The following FAM47E variants were observed in gnomAD, a reference collection of about 807,000 sequenced individuals.
FAM47E encodes the protein family with sequence similarity 47 member E, also known as protein FAM47E.
A neutral mutation model predicts 41.6 loss-of-function variants in FAM47E; 32 were observed. That is an observed-to-expected ratio of 0.77 (90% CI 0.58 to 1.03). FAM47E has a LOEUF of 1.03. Ranked by LOEUF, FAM47E falls within the 50% of genes least tolerant of loss-of-function variation. FAM47E has a pLI of 0.00. For synonymous variants in FAM47E, 184 were observed against 188.7 expected (o/e 0.98, Z 0.20); for missense variants, 424 against 485.4 (o/e 0.87, Z 1.19).
chr4:76,268,128 T>G (rs1734721402), intron 3 of FAM47E: 1 of 152,888 alleles, frequency 6.5e-6, no homozygotes. Context: ...AGAGTTACAT[T>G]TTGAAATGAC....
chr4:76,249,150 C>T (rs1446126874), upstream of FAM47E, among the ~76,000 whole-genome samples: 2 of 151,970 alleles, frequency 1.3e-5, no homozygotes, highest in Non-Finnish European at 2.9e-5. Flanking sequence ...ATCGCTTGAA[C>T]CCAGGAGGTG....
intron 5 of FAM47E, among the ~76,000 whole-genome samples, chr4:76,277,451 C>G (rs1437329030): frequency 6.6e-6 from 1 of 151,480 alleles, no homozygotes; most frequent in African/African-American, 2.4e-5. Flanking sequence ...GTGCCACTCA[C>G]TGCACCCCAG....
chr4:76,278,110 A>G lies in FAM47E; in HGVS notation c.912A>G (p.Ala304=), dbSNP rs977399198. ...KPKWVKMRYG[A]WYLNPKLWKK... ...AGTGGGTGAAGATGAGGTATGGAGCATGGTATTTGAACCCCAAGTTGTGGA... is the reference window on the plus strand; with the variant it reads ...AGTGGGTGAAGATGAGGTATGGAGCGTGGTATTTGAACCCCAAGTTGTGGA... Residue 304 remains alanine (A), a synonymous_variant, in exon 6 of 8, where the codon GCA becomes GCG. Coordinates refer to ENST00000424749, the MANE Select transcript of FAM47E (RefSeq NM_001136570.3). 1 of 1,550,040 alleles carries G rather than the reference A, an allele frequency of 6.5e-7. No homozygotes were observed. The highest frequency in any genetic ancestry group is 8.7e-7 in the Non-Finnish European group (1 of 1,146,514).
chr4:76,258,720 A>T (rs1424461255), intron 2 of FAM47E, among the ~76,000 whole-genome samples: 1 of 152,230 alleles, frequency 6.6e-6, no homozygotes, highest in Non-Finnish European at 1.5e-5. Context: ...AAATCCCACA[A>T]ATCACAATCC....
chr4:76,239,916 A>C (rs1733671312), intron 2 of FAM47E, among the ~76,000 whole-genome samples: 1 of 152,176 alleles, frequency 6.6e-6, no homozygotes, highest in African/African-American at 2.4e-5. Flanking sequence ...AAATGGTATC[A>C]GGTAAGGGTC....
intron 2 of FAM47E, among the ~76,000 whole-genome samples, chr4:76,228,673 G>C (rs546827135): frequency 5.3e-5 from 8 of 152,240 alleles, no homozygotes; most frequent in Admixed American, 3.9e-4. Context: ...GCTAAAGATA[G>C]TACCCCAATC....
At chr4:76,240,986 TTTG>T (rs907118412) in intron 2 of FAM47E, among the ~76,000 whole-genome samples, 21 of 152,106 alleles carry the variant, frequency 1.4e-4, no homozygotes, top group Admixed American at 8.5e-4. Context: ...TGTTTTTGTT[TTTG>T]TTGTTGTTGT....
At chr4:76,273,844 G>A (rs4859439) in intron 5 of FAM47E, among the ~76,000 whole-genome samples, 6 of 150,920 alleles carry the variant, frequency 4.0e-5, no homozygotes, top group African/African-American at 1.5e-4. Context: ...TGGCTATGTC[G>A]TTAAATTCTC....
intron 2 of FAM47E, among the ~76,000 whole-genome samples, chr4:76,227,033 G>A (rs1482316687): frequency 3.3e-5 from 5 of 150,900 alleles, no homozygotes; most frequent in African/African-American, 4.9e-5. Context: ...ATCTAGTTCC[G>A]CCCTGACCTT....
chr4:76,280,299 C>T lies in FAM47E; in HGVS notation c.1062C>T (p.Ala354=). ...TTGCAGACCTTCACGGAACAGTTGC[C>T]TTTAAGGATTTCATTCTAAGCAGGG... is the stretch of plus-strand genomic sequence containing the variant. ...ELLADLHGTV[A]FKDFILSRGY... The change falls in exon 7 of 8, where the codon GCC becomes GCT. Residue 354 remains alanine (A), a synonymous_variant. Coordinates refer to ENST00000424749, the MANE Select transcript of FAM47E (RefSeq NM_001136570.3). The T allele has an allele frequency of 1.3e-6, 2 of 1,550,720 alleles. No homozygotes were observed. The highest frequency in any genetic ancestry group is 1.7e-6 in the Non-Finnish European group (2 of 1,146,262).
At chr4:76,235,249 C>T (rs988694845) in intron 2 of FAM47E, among the ~76,000 whole-genome samples, 7 of 152,008 alleles carry the variant, frequency 4.6e-5, no homozygotes, top group East Asian at 1.9e-4. Flanking sequence ...CCCCGGGAGG[C>T]GGAGCTTGCA....
At position 76,235,447 on chromosome 4, in the gene FAM47E, C is replaced by T. The variant is rs560593017; in HGVS notation, c.81+17759C>T. On this transcript the variant is annotated intron_variant, in intron 2 of 7. Transcript: ENST00000510197. ...TAGAAGGAGTTAGGAAGAGAAGCCT[C>T]CTATGCCAGGGACAGCAGTAGGCAC... 4.6e-5 allele frequency among the ~76,000 whole-genome samples: 7 copies of T among 152,274 alleles called. No individual in the cohort carries two copies. The South Asian group carries it at 1.5e-3, about 32-fold the overall frequency.
intron 3 of FAM47E, 113 bp from the exon 4 acceptor site, chr4:76,268,547 A>G (rs1734742107): frequency 9.2e-7 from 1 of 1,085,730 alleles, no homozygotes; most frequent in African/African-American, 1.6e-5. Flanking sequence ...TGAGCTTGCA[A>G]GAGACTGTTA....
rs539596607 is a variant in FAM47E at position 76,257,257 on chromosome 4, G to C, written c.420+734G>C. 7.9e-5 allele frequency among the ~76,000 whole-genome samples: 12 copies of C among 152,244 alleles called. No individual in the cohort carries two copies. The South Asian group carries it at 2.5e-3, about 32-fold the overall frequency. On this transcript the variant is annotated intron_variant, in intron 2 of 7. Transcript: ENST00000424749. ...TTCATCTGACTACTCCTAGTTGCTA[G>C]GGAGTCTAGCAAATGGAGTTTCAGA...
rs1733803820 is a variant in FAM47E at position 76,245,396 on chromosome 4, T to TTGA, written c.82-18307_82-18305dup. Among the ~76,000 whole-genome samples, 3 of 152,040 alleles carry TTGA rather than the reference T, an allele frequency of 2.0e-5. No individual in the cohort carries two copies. The South Asian group carries it at 6.2e-4, about 32-fold the overall frequency. On this transcript the variant is annotated intron_variant, in intron 2 of 7. Coordinates refer to the FAM47E transcript ENST00000510197. ...GCACGAATTGCTTGGAACCAAGAGT[T>TTGA]TGAGTCATGTGACAAAAGCCGGAAT...
chr4:76,218,320 A>G (rs888504525), intron 2 of FAM47E, among the ~76,000 whole-genome samples: 23 of 152,220 alleles, frequency 1.5e-4, no homozygotes, highest in African/African-American at 5.5e-4. Context: ...ATAAGAAAAA[A>G]TTACTCTCTC....
At chr4:76,259,036 G>A (rs1266361507) in intron 2 of FAM47E, among the ~76,000 whole-genome samples, 3 of 151,828 alleles carry the variant, frequency 2.0e-5, no homozygotes, top group Non-Finnish European at 4.4e-5. Flanking sequence ...TAGTATGTGA[G>A]TCTGAGTGGA....
At chr4:76,265,412 A>T (rs1347792793) in intron 3 of FAM47E, among the ~76,000 whole-genome samples, 1 of 152,186 alleles carries the variant, frequency 6.6e-6, no homozygotes, top group Non-Finnish European at 1.5e-5. Context: ...TGCTGTTATC[A>T]GTGAAGGGGA....
Position 76,268,706 on chromosome 4 carries a change from G to GA in FAM47E, c.611dup (p.Pro205AlafsTer3), listed in dbSNP as rs1270577426. 3 of 1,551,328 alleles carry GA rather than the reference G, an allele frequency of 1.9e-6. No individual in the cohort carries two copies. In the East Asian group the frequency reaches 7.3e-5, roughly 38 times the overall value. ...AAACGCAGGCCAATGGCTTTATGAA[G>GA]AAAAGCCACATAAAATGGATTTGCT... On this transcript the variant is annotated frameshift_variant, in exon 4 of 8. Transcript: ENST00000424749. LOFTEE classifies it high-confidence loss of function.
Sources: allele counts gnomAD v4.1 joint callset (sites outside exome capture counted in the v4.1 genomes callset), GRCh38; gene constraint gnomAD v4.1.1; transcripts MANE v1.5; gene names NCBI Gene and HGNC (gene_info 2026-07-23, HGNC 2026-07-21).